YWHAQ: variants seen among roughly 807,000 people sequenced by gnomAD.
YWHAQ encodes 14-3-3 protein theta.
A neutral mutation model predicts 28.3 loss-of-function variants in YWHAQ; 6 were observed. The ratio of observed to expected loss-of-function variants is 0.21; its 90% CI spans 0.12 to 0.42. The LOEUF is 0.42. Among genes scored for constraint, YWHAQ ranks in the 10% least tolerant of loss-of-function variants. The pLI is 1.00. For synonymous variants in YWHAQ, 143 were observed against 119.1 expected, an observed-to-expected ratio of 1.20 and a Z score of -1.31; for missense variants, 201 against 305.6, an observed-to-expected ratio of 0.66 and a Z score of 2.55.
intron 2 of YWHAQ, among the ~76,000 whole-genome samples, chr2:9,607,383 G>GT (rs1666852936): frequency 7.1e-6 from 1 of 139,930 alleles, no homozygotes; most frequent in East Asian, 2.1e-4. Context: ...TTTTTTTTTT[G>GT]TATTTTTAGT....
intron 2 of YWHAQ, among the ~76,000 whole-genome samples, chr2:9,607,447 T>C (rs369770932): frequency 4.6e-5 from 7 of 151,766 alleles, no homozygotes; most frequent in African/African-American, 1.7e-4. Context: ...GACCTCGTGA[T>C]CCACCCCCCT....
At chr2:9,613,610 A>T (rs560037875) in intron 2 of YWHAQ, among the ~76,000 whole-genome samples, 83 of 152,348 alleles carry the variant, frequency 5.4e-4, no homozygotes, top group African/African-American at 1.9e-3. Context: ...AAGCAGCATT[A>T]TCTCCATGAC....
At chr2:9,620,111 T>C (rs572764189) in intron 2 of YWHAQ, among the ~76,000 whole-genome samples, 34 of 152,364 alleles carry the variant, frequency 2.2e-4, no homozygotes, top group Middle Eastern at 3.4e-3. Context: ...GACATGACGT[T>C]CACAATCTAT....
intron 2 of YWHAQ, among the ~76,000 whole-genome samples, chr2:9,603,456 G>C (rs62119429): frequency 0.15 from 22,852 of 150,738 alleles, 2,143 homozygotes; most frequent in Middle Eastern, 0.23. Flanking sequence ...TTTTTTTTTA[G>C]AAGAGACGGG....
Position 9,588,466 on chromosome 2 carries a change from T to C in YWHAQ, c.419-138A>G, listed in dbSNP as rs1666390442. 3 of 1,039,718 alleles carry C rather than the reference T, an allele frequency of 2.9e-6. No individual in the cohort carries two copies. The Admixed American group carries it at 1.1e-4, about 37-fold the overall frequency. The allele number at this position is 1,039,718 out of a possible 1,614,324, so 64.4% of individuals were successfully genotyped here. ...CTGTATGGGTCTTTTAAAATCATGG[T>C]AGCTAACAAAAAACATTATCGTGGC... On this transcript the variant is annotated intron_variant, in intron 3 of 5. Coordinates refer to ENST00000238081, the MANE Select transcript of YWHAQ (RefSeq NM_006826.4).
At position 9,630,497 on chromosome 2, in the gene YWHAQ, G is replaced by C. The variant is rs755053877; in HGVS notation, c.-45C>G. Reference sequence around the variant, plus strand: ...CCGGGGCGGAGGGCGAGGAGAGCGAGGGCGAGCGCCGACCCGCAGCGGGAG... The same window carrying C: ...CCGGGGCGGAGGGCGAGGAGAGCGACGGCGAGCGCCGACCCGCAGCGGGAG... On this transcript the variant is annotated 5_prime_UTR_variant, in exon 2 of 6. Coordinates refer to ENST00000238081, the MANE Select transcript of YWHAQ (RefSeq NM_006826.4). The surrounding 1 kb of genome is among the most constrained non-coding windows in gnomAD (Gnocchi z 5.6). 6.7e-7 allele frequency: 1 copy of C among 1,503,282 alleles called. No homozygotes were observed. Among genetic ancestry groups the C allele is most frequent in the African/African-American group, 1.4e-5 (1 of 72,580 alleles). 93.1% of individuals were successfully genotyped at this position (1,503,282 alleles called of 1,614,324 possible). A position where few individuals can be genotyped will look rare whatever the true frequency, so the allele number is the denominator to read the frequency against.
At chr2:9,593,813 G>A (rs866134031) in intron 2 of YWHAQ, among the ~76,000 whole-genome samples, 5 of 151,102 alleles carry the variant, frequency 3.3e-5, no homozygotes, top group Middle Eastern at 6.9e-3. Context: ...GGGAGACAGA[G>A]CAAAAGAGAT....
chr2:9,599,605 C>G (rs1456448154), intron 2 of YWHAQ, among the ~76,000 whole-genome samples: 2 of 152,098 alleles, frequency 1.3e-5, no homozygotes, highest in African/African-American at 2.4e-5. Flanking sequence ...CCAACCAAGC[C>G]TGGATGACGG....
chr2:9,626,606 T>G (rs957551825), intron 2 of YWHAQ, among the ~76,000 whole-genome samples: 3 of 152,344 alleles, frequency 2.0e-5, no homozygotes, highest in African/African-American at 7.2e-5. Flanking sequence ...TTTTTTTGTA[T>G]TTTTAGTAGA....
chr2:9,627,670 TAAATA>T lies in YWHAQ; in HGVS notation c.294+2484_294+2488del, dbSNP rs1667273706. 2.6e-5 allele frequency among the ~76,000 whole-genome samples: 4 copies of T among 152,178 alleles called. No homozygotes were observed. The South Asian group carries it at 8.3e-4, about 32-fold the overall frequency. On this transcript the variant is annotated intron_variant, in intron 2 of 5. Coordinates refer to ENST00000238081, the MANE Select transcript of YWHAQ (RefSeq NM_006826.4). ...AACAAGATCCCATCTCTACAATAAA[TAAATA>T]AAACTTTAAAAAAACCAGTTTCCCA... is the stretch of plus-strand genomic sequence containing the variant.
At position 9,604,233 on chromosome 2, in the gene YWHAQ, C is replaced by T. The variant is rs184251121; in HGVS notation, c.295-12718G>A. On this transcript the variant is annotated intron_variant, in intron 2 of 5. Transcript: ENST00000238081. Reference sequence around the variant, plus strand: ...GAAGAATTTTTCTTAAGGTAACAAACGAGAGACAGAAAATACGGGGGGAAA... The same window carrying T: ...GAAGAATTTTTCTTAAGGTAACAAATGAGAGACAGAAAATACGGGGGGAAA... 2.6e-4 allele frequency among the ~76,000 whole-genome samples: 40 copies of T among 152,010 alleles called. No homozygotes were observed. In the East Asian group the frequency reaches 6.0e-3, roughly 23 times the overall value.
Position 9,588,256 on chromosome 2 carries a change from T to G in YWHAQ, c.491A>C (p.His164Pro). Residue 164 changes from histidine to proline, a missense_variant, in exon 4 of 6, where the codon CAC (histidine) becomes CCC (proline). This residue lies in a region of YWHAQ where 162 missense variants were observed against 213.9 expected (regional missense o/e 0.76). Coordinates refer to ENST00000238081, the MANE Select transcript of YWHAQ (RefSeq NM_006826.4). ...DISKKEMQPTHPIRLGLALNF... is the reference protein window; with the variant it reads ...DISKKEMQPTPPIRLGLALNF... ...AAGAGCAAGCCCCAGGCGGATTGGG[T>G]GTGTGGGTTGCATCTCTTTCTTGCT... 1 of 1,609,396 alleles carries G rather than the reference T, an allele frequency of 6.2e-7. No homozygotes were observed. The highest frequency in any genetic ancestry group is 8.5e-7 in the Non-Finnish European group (1 of 1,178,904).
At chr2:9,606,551 A>G (rs1666833251) in intron 2 of YWHAQ, among the ~76,000 whole-genome samples, 1 of 152,196 alleles carries the variant, frequency 6.6e-6, no homozygotes. Context: ...ATTTTTTGAG[A>G]CGGAGTCTCG....
At chr2:9,616,292 C>G (rs1667039333) in intron 2 of YWHAQ, among the ~76,000 whole-genome samples, 1 of 152,122 alleles carries the variant, frequency 6.6e-6, no homozygotes, top group Non-Finnish European at 1.5e-5. Flanking sequence ...ACCTTTTCCT[C>G]ACTCCATATG....
chr2:9,602,832 A>G (rs1453672493), intron 2 of YWHAQ, among the ~76,000 whole-genome samples: 9 of 22,362 alleles, frequency 4.0e-4, no homozygotes, highest in African/African-American at 1.5e-3. Context: ...CCTAATTTAA[A>G]AAAAAAAAAA....
chr2:9,597,330 T>C (rs1456814470), intron 2 of YWHAQ, among the ~76,000 whole-genome samples: 3 of 152,138 alleles, frequency 2.0e-5, no homozygotes, highest in African/African-American at 7.2e-5. Context: ...TCAAGTGTCC[T>C]TGTGTTATTT....
Position 9,630,477 on chromosome 2 carries a change from G to A in YWHAQ, c.-25C>T, listed in dbSNP as rs778766840. 4.3e-5 allele frequency: 67 copies of A among 1,570,488 alleles called. No homozygotes were observed. The highest frequency in any genetic ancestry group is 5.3e-5 in the Non-Finnish European group (62 of 1,162,240). On this transcript the variant is annotated 5_prime_UTR_variant, in exon 2 of 6. Transcript: ENST00000238081. The surrounding 1 kb of genome is among the most constrained non-coding windows in gnomAD (Gnocchi z 5.6). ...TGGCGGGCGCGGGGCCGGGGCCGGG[G>A]CGGAGGGCGAGGAGAGCGAGGGCGA...
intron 2 of YWHAQ, among the ~76,000 whole-genome samples, chr2:9,591,981 G>T (rs913982454): frequency 2.0e-5 from 3 of 152,212 alleles, no homozygotes; most frequent in African/African-American, 7.2e-5. Flanking sequence ...CTCTGCTGGA[G>T]ATGGCCTCCA....
intron 2 of YWHAQ, among the ~76,000 whole-genome samples, chr2:9,616,341 G>C (rs536347225): frequency 6.6e-6 from 1 of 151,810 alleles, no homozygotes; most frequent in East Asian, 1.9e-4. Flanking sequence ...CCTAAACACA[G>C]GAGCTAAAAT....
Sources: allele counts gnomAD v4.1 joint callset (sites outside exome capture counted in the v4.1 genomes callset), GRCh38; gene constraint gnomAD v4.1.1; regional missense constraint gnomAD v4.1.1; non-coding constraint Gnocchi (gnomAD v3.1); transcripts MANE v1.5; gene names NCBI Gene and HGNC (gene_info 2026-07-23, HGNC 2026-07-21).